Variants in TENM3 observed in about 807,000 individuals in gnomAD.
TENM3 encodes the protein teneurin-3.
A neutral mutation model predicts 255.1 loss-of-function variants in TENM3; 63 were observed. The observed-to-expected ratio is 0.25, with a 90% CI of 0.20 to 0.30. The LOEUF (loss-of-function observed/expected upper bound fraction) is 0.30, where lower values mean the gene tolerates loss of function less well. Ranked by LOEUF, TENM3 falls within the 10% of genes least tolerant of loss-of-function variation. TENM3 has a pLI of 1.00. For missense variants in TENM3, 2,929 were observed against 3,461.1 expected, an observed-to-expected ratio of 0.85 and a Z score of 3.86; for synonymous variants, 1,306 against 1,322.3, an observed-to-expected ratio of 0.99 and a Z score of 0.27.
the TENM3 span, among the ~76,000 whole-genome samples, chr4:181,525,865 G>A: frequency 2.0e-5 from 3 of 152,168 alleles, no homozygotes. Flanking sequence ...ACATCTCCCT[G>A]TGGGTAATTA....
At chr4:182,019,144 C>G in the TENM3 span, among the ~76,000 whole-genome samples, 5 of 152,170 alleles carry the variant, frequency 3.3e-5, no homozygotes, top group African/African-American at 1.2e-4. Flanking sequence ...TCTCAAAGAC[C>G]AACCCTTTAG....
chr4:181,475,874 G>T, the TENM3 span, among the ~76,000 whole-genome samples: 1 of 152,202 alleles, frequency 6.6e-6, no homozygotes, highest in Non-Finnish European at 1.5e-5. Flanking sequence ...CCCCCGCAAA[G>T]CTTGATGTTC....
the TENM3 span, among the ~76,000 whole-genome samples, chr4:181,923,312 A>C: frequency 6.6e-6 from 1 of 151,986 alleles, no homozygotes; most frequent in Non-Finnish European, 1.5e-5. Context: ...AGAACAACAC[A>C]ATTTTCATGA....
the TENM3 span, among the ~76,000 whole-genome samples, chr4:181,725,619 T>A: frequency 2.6e-5 from 4 of 152,034 alleles, no homozygotes; most frequent in African/African-American, 9.7e-5. Flanking sequence ...TTTGTATTTT[T>A]TTTTAGTAGA....
intron 18 of TENM3, among the ~76,000 whole-genome samples, chr4:182,739,049 T>C (rs1761402033): frequency 6.6e-6 from 1 of 152,226 alleles, no homozygotes; most frequent in Non-Finnish European, 1.5e-5. Flanking sequence ...GATTTTTTTT[T>C]TTCAGTTCTT....
intron 3 of TENM3, among the ~76,000 whole-genome samples, chr4:182,489,413 TAGGAACAG>T (rs1735061790): frequency 6.6e-6 from 1 of 152,164 alleles, no homozygotes; most frequent in Non-Finnish European, 1.5e-5. Flanking sequence ...AGTATCTTTT[TAGGAACAG>T]TGAAATAACC....
chr4:182,179,071 A>T (rs1238208422), intron 1 of TENM3, among the ~76,000 whole-genome samples: 1 of 152,220 alleles, frequency 6.6e-6, no homozygotes, highest in Admixed American at 6.5e-5. Context: ...TTTTTGTATT[A>T]AATAACTAAA....
intron 3 of TENM3, among the ~76,000 whole-genome samples, chr4:182,503,673 A>C (rs960065208): frequency 6.6e-6 from 1 of 152,152 alleles, no homozygotes; most frequent in Non-Finnish European, 1.5e-5. Flanking sequence ...GCAGAAACTC[A>C]AGGGAGGACA....
At chr4:181,857,016 C>G in the TENM3 span, among the ~76,000 whole-genome samples, 1 of 152,114 alleles carries the variant, frequency 6.6e-6, no homozygotes, top group Non-Finnish European at 1.5e-5. Context: ...CTGGGGCAAA[C>G]CATGGTGATC....
the TENM3 span, among the ~76,000 whole-genome samples, chr4:181,483,009 A>T: frequency 6.6e-6 from 1 of 152,190 alleles, no homozygotes; most frequent in Non-Finnish European, 1.5e-5. Context: ...TTCTTTGGGC[A>T]TATTAATACC....
chr4:181,460,659 T>G, the TENM3 span, among the ~76,000 whole-genome samples: 1 of 144,476 alleles, frequency 6.9e-6, no homozygotes, highest in African/African-American at 2.5e-5. Flanking sequence ...TCTGTATTAC[T>G]GCCTTACTAG....
intron 3 of TENM3, among the ~76,000 whole-genome samples, chr4:182,387,979 G>A (rs931190277): frequency 1.8e-4 from 27 of 150,670 alleles, no homozygotes; most frequent in Non-Finnish European, 1.6e-4. Flanking sequence ...CAGCCATTCA[G>A]TCTTGCTTTG....
chr4:182,048,796 A>G, the TENM3 span, among the ~76,000 whole-genome samples: 1 of 152,304 alleles, frequency 6.6e-6, no homozygotes, highest in East Asian at 1.9e-4. Flanking sequence ...GATGCTTTTG[A>G]AAACACTGCC....
intron 3 of TENM3, among the ~76,000 whole-genome samples, chr4:182,348,855 G>A (rs1253535793): frequency 6.6e-6 from 1 of 152,078 alleles, no homozygotes; most frequent in African/African-American, 2.4e-5. Context: ...CAAATGTTAG[G>A]GAGAAGGGAA....
At chr4:181,487,880 T>C in the TENM3 span, among the ~76,000 whole-genome samples, 1 of 152,122 alleles carries the variant, frequency 6.6e-6, no homozygotes, top group Non-Finnish European at 1.5e-5. Context: ...AGGACCTGCC[T>C]CTGGGCAACA....
chr4:182,148,017 C>CAAAAT (rs142867350), intron 1 of TENM3, among the ~76,000 whole-genome samples: 5 of 151,944 alleles, frequency 3.3e-5, no homozygotes, highest in East Asian at 1.9e-4. Flanking sequence ...TTTTGTGCTT[C>CAAAAT]AAAATAAAAT....
intron 3 of TENM3, among the ~76,000 whole-genome samples, chr4:182,559,774 C>T (rs1406817365): frequency 6.6e-6 from 1 of 151,818 alleles, no homozygotes; most frequent in Non-Finnish European, 1.5e-5. Flanking sequence ...AAGAATCCTT[C>T]TACATTCTAT....
At chr4:182,437,695 G>A (rs1416205438) in intron 3 of TENM3, among the ~76,000 whole-genome samples, 1 of 151,994 alleles carries the variant, frequency 6.6e-6, no homozygotes, top group Non-Finnish European at 1.5e-5. Context: ...CTATTCTGGA[G>A]GCTGAGGCAG....
chr4:181,591,716 C>G, the TENM3 span, among the ~76,000 whole-genome samples: 3 of 152,274 alleles, frequency 2.0e-5, no homozygotes, highest in South Asian at 6.2e-4. Context: ...ACTGCACATG[C>G]AAGGGATCCA....
Sources: gnomAD v4.1 joint callset for allele counts (sites outside exome capture counted in the v4.1 genomes callset) on GRCh38, gnomAD v4.1.1 for gene constraint, MANE v1.5 for transcripts, NCBI Gene and HGNC (gene_info 2026-07-23, HGNC 2026-07-21) for gene names.